The following NELL1 variants were observed in gnomAD, a reference collection of about 807,000 sequenced individuals.
NELL1 encodes protein kinase C-binding protein NELL1.
Under a neutral mutation model 107.4 loss-of-function variants are expected in NELL1, and 76 were observed. That is an observed-to-expected ratio of 0.71 (90% CI 0.59 to 0.86). The LOEUF is 0.86. NELL1 is among the 40% of genes least tolerant of loss of function. The probability of loss-of-function intolerance (pLI) is 0.00; values close to 1 mark genes in which losing one functional copy is unlikely to be tolerated. For synonymous variants in NELL1, 353 were observed against 341.2 expected, an observed-to-expected ratio of 1.03 and a Z score of -0.38; for missense variants, 1,024 against 1,005.5, an observed-to-expected ratio of 1.02 and a Z score of -0.25.
intron 15 of NELL1, among the ~76,000 whole-genome samples, chr11:21,409,946 CA>C (rs1852335347): frequency 1.3e-5 from 2 of 151,902 alleles, no homozygotes; most frequent in Non-Finnish European, 2.9e-5. Context: ...AGAAACAATA[CA>C]AAAATGAGTT....
intron 12 of NELL1, among the ~76,000 whole-genome samples, chr11:21,061,459 A>T (rs1028583340): frequency 6.6e-6 from 1 of 152,192 alleles, no homozygotes; most frequent in Non-Finnish European, 1.5e-5. Context: ...AAGCTGTTCC[A>T]CTGTAAAGTT....
intron 15 of NELL1, among the ~76,000 whole-genome samples, chr11:21,491,853 T>A (rs1046826089): frequency 3.5e-4 from 53 of 152,248 alleles, no homozygotes; most frequent in Non-Finnish European, 6.0e-4. Context: ...TTCCATTTGT[T>A]TGTATCCTCT....
At chr11:21,295,402 AGAAT>A (rs1221525885) in intron 14 of NELL1, among the ~76,000 whole-genome samples, 1 of 152,136 alleles carries the variant, frequency 6.6e-6, no homozygotes, top group Non-Finnish European at 1.5e-5. Flanking sequence ...TGACATTTCA[AGAAT>A]GGTAAATCAA....
intron 17 of NELL1, among the ~76,000 whole-genome samples, chr11:21,563,927 A>T (rs1275598164): frequency 6.6e-6 from 1 of 151,988 alleles, no homozygotes; most frequent in Non-Finnish European, 1.5e-5. Flanking sequence ...AAAGATGAGG[A>T]AGTGTAAGAA....
At chr11:20,718,976 T>C (rs1855316006) in intron 2 of NELL1, among the ~76,000 whole-genome samples, 3 of 152,152 alleles carry the variant, frequency 2.0e-5, no homozygotes, top group Admixed American at 1.3e-4. Flanking sequence ...AGAACTTTGC[T>C]GGTGTTCTGA....
At chr11:21,405,994 C>T (rs777194539) in intron 15 of NELL1, among the ~76,000 whole-genome samples, 2 of 151,906 alleles carry the variant, frequency 1.3e-5, no homozygotes, top group Non-Finnish European at 2.9e-5. Flanking sequence ...ATAGACTGAG[C>T]CAATAAGGTT....
intron 15 of NELL1, among the ~76,000 whole-genome samples, chr11:21,409,654 C>T (rs1461932400): frequency 1.3e-5 from 2 of 151,714 alleles, no homozygotes; most frequent in Non-Finnish European, 2.9e-5. Flanking sequence ...ACCTAAAATT[C>T]AGGCTATCAC....
chr11:21,271,327 T>C (rs923178024), intron 14 of NELL1, among the ~76,000 whole-genome samples: 3 of 152,158 alleles, frequency 2.0e-5, no homozygotes, highest in African/African-American at 7.2e-5. Context: ...CTCATGGACA[T>C]TAAAAGGTTA....
intron 3 of NELL1, among the ~76,000 whole-genome samples, chr11:20,805,000 G>T (rs1036737698): frequency 6.6e-5 from 10 of 152,100 alleles, no homozygotes; most frequent in African/African-American, 2.4e-4. Context: ...ATATTCTCTT[G>T]CTTAATCTTT....
At position 21,111,921 on chromosome 11, in the gene NELL1, C is replaced by T. The variant is rs1209826094; in HGVS notation, c.1301-1668C>T. On this transcript the variant is annotated intron_variant, in intron 12 of 19. Coordinates refer to ENST00000357134, the MANE Select transcript of NELL1 (RefSeq NM_006157.5). ...TGCCTATTTTCACCCAACCTTTCAT[C>T]GTCCTACCAAAGACCTTATAAGCAA... Among the ~76,000 whole-genome samples the T allele has an allele frequency of 3.3e-5, 5 of 152,114 alleles. No individual in the cohort carries two copies. The South Asian group carries it at 6.2e-4, about 19-fold the overall frequency.
At position 20,777,490 on chromosome 11, in the gene NELL1, C is replaced by G. The variant is rs1162568141; in HGVS notation, c.185-6190C>G. On this transcript the variant is annotated intron_variant, in intron 2 of 19. Coordinates refer to ENST00000357134, the MANE Select transcript of NELL1 (RefSeq NM_006157.5). ...TGAAAGCTGCTTGGATCAATAACAT[C>G]TGACATCCTTAAAGAAGGGTCACAA... Among the ~76,000 whole-genome samples the G allele has an allele frequency of 2.0e-5, 3 of 152,216 alleles. No individual in the cohort carries two copies. In the East Asian group the frequency reaches 5.8e-4, roughly 29 times the overall value.
At chr11:21,510,538 G>C (rs4512813) in intron 15 of NELL1, among the ~76,000 whole-genome samples, 54,471 of 152,048 alleles carry the variant, frequency 0.36, 11,429 homozygotes, top group Non-Finnish European at 0.48. Context: ...TACAATGTGG[G>C]GGAACAAATG....
chr11:21,205,810 G>A (rs886127094), intron 13 of NELL1, among the ~76,000 whole-genome samples: 1 of 152,158 alleles, frequency 6.6e-6, no homozygotes, highest in Non-Finnish European at 1.5e-5. Flanking sequence ...GAAATGTACT[G>A]ATATTTTACT....
At chr11:21,076,699 G>T (rs967500917) in intron 12 of NELL1, among the ~76,000 whole-genome samples, 1 of 152,152 alleles carries the variant, frequency 6.6e-6, no homozygotes, top group Non-Finnish European at 1.5e-5. Context: ...GGAGGTGTTT[G>T]GGTAAAGGGG....
chr11:20,973,069 A>G (rs1851532094), intron 12 of NELL1, among the ~76,000 whole-genome samples: 1 of 137,166 alleles, frequency 7.3e-6, no homozygotes, highest in South Asian at 2.4e-4. Context: ...GTCAAACCTT[A>G]TTAGAGTGCC....
chr11:21,146,421 A>G (rs1407375260), intron 13 of NELL1, among the ~76,000 whole-genome samples: 1 of 152,190 alleles, frequency 6.6e-6, no homozygotes, highest in Non-Finnish European at 1.5e-5. Flanking sequence ...GCCAGAGGCC[A>G]GAGAGAGCCG....
intron 15 of NELL1, among the ~76,000 whole-genome samples, chr11:21,468,393 T>C (rs1446686321): frequency 1.3e-5 from 2 of 152,134 alleles, no homozygotes; most frequent in Non-Finnish European, 2.9e-5. Context: ...GCGATTGTTT[T>C]CTGCCTAACG....
intron 14 of NELL1, among the ~76,000 whole-genome samples, chr11:21,239,135 T>A (rs1381581873): frequency 6.6e-6 from 1 of 152,036 alleles, no homozygotes; most frequent in Non-Finnish European, 1.5e-5. Context: ...TCCACTGAAA[T>A]TTTTCTCCTT....
chr11:21,531,085 G>A (rs1459070665), intron 15 of NELL1, among the ~76,000 whole-genome samples: 3 of 152,158 alleles, frequency 2.0e-5, no homozygotes, highest in Non-Finnish European at 4.4e-5. Flanking sequence ...ATAGATGTGT[G>A]TACAGATACT....
Sources: allele counts gnomAD v4.1 joint callset (sites outside exome capture counted in the v4.1 genomes callset), GRCh38; gene constraint gnomAD v4.1.1; transcripts MANE v1.5; gene names NCBI Gene and HGNC (gene_info 2026-07-23, HGNC 2026-07-21).